The following NDRG3 variants were observed in gnomAD, a reference collection of about 807,000 sequenced individuals.
NDRG3 encodes the protein protein NDRG3.
A neutral mutation model predicts 57.2 loss-of-function variants in NDRG3; 23 were observed. The ratio of observed to expected loss-of-function variants is 0.40; its 90% CI spans 0.29 to 0.57. NDRG3 has a LOEUF of 0.57. NDRG3 is among the 20% of genes least tolerant of loss of function. NDRG3 has a pLI of 0.42. For synonymous variants in NDRG3, 132 were observed against 162.6 expected (o/e 0.81, Z 1.43); for missense variants, 384 against 457.3 (o/e 0.84, Z 1.46).
At position 36,652,992 on chromosome 20, in the gene NDRG3, A is replaced by G. The variant is rs1978342314; in HGVS notation, c.*528T>C. The G allele has an allele frequency of 6.5e-6, 1 of 152,678 alleles. No homozygotes were observed. The highest frequency in any genetic ancestry group is 1.5e-5 in the Non-Finnish European group (1 of 68,088). 9.5% of individuals were successfully genotyped at this position (152,678 alleles called of 1,614,324 possible). A position where few individuals can be genotyped will look rare whatever the true frequency, so the allele number is the denominator to read the frequency against. On this transcript the variant is annotated 3_prime_UTR_variant, in exon 16 of 16. Transcript: ENST00000349004. ...TTCCTCAAAGCTGCTCTCTCCTGAA[A>G]TCACTTTGCAAATTTTGTTGACCAA...
intron 5 of NDRG3, 85 bp downstream of exon 5, chr20:36,687,407 G>T: frequency 6.6e-7 from 1 of 1,504,134 alleles, no homozygotes. Flanking sequence ...AAATCAAAGG[G>T]AAGCACACAC....
intron 9 of NDRG3, among the ~76,000 whole-genome samples, chr20:36,668,825 C>T (rs1291979795): frequency 4.0e-5 from 6 of 150,594 alleles, no homozygotes; most frequent in South Asian, 2.1e-4. Context: ...GTATATATAG[C>T]GAGAGAAATA....
intron 9 of NDRG3, among the ~76,000 whole-genome samples, chr20:36,666,771 A>C (rs892356999): frequency 1.3e-5 from 2 of 152,202 alleles, no homozygotes; most frequent in African/African-American, 4.8e-5. Context: ...GGCTGTTTTA[A>C]AGATTAAGTA....
rs371900795 is a variant in NDRG3 at position 36,687,486 on chromosome 20, C to G, written c.320+6G>C. ...CGTCTCCCAGATGATCTTTTCGTGG[C>G]CTTACCCTGTTGGGAAAGAGGGTGC... On this transcript the variant is annotated splice_donor_region_variant and intron_variant, in intron 5 of 15. Coordinates refer to ENST00000349004, the MANE Select transcript of NDRG3 (RefSeq NM_032013.4). 1 of 1,612,570 alleles carries G rather than the reference C, an allele frequency of 6.2e-7. No individual in the cohort carries two copies. The highest frequency in any genetic ancestry group is 8.5e-7 in the Non-Finnish European group (1 of 1,179,606).
At chr20:36,693,271 A>G (rs1982495558) in intron 3 of NDRG3, among the ~76,000 whole-genome samples, 1 of 147,810 alleles carries the variant, frequency 6.8e-6, no homozygotes, top group African/African-American at 2.5e-5. Flanking sequence ...ACTATCAAAC[A>G]TGGTCATATA....
chr20:36,703,040 G>A lies in NDRG3; in HGVS notation c.93+3932C>T, dbSNP rs564533749. 1.5e-4 allele frequency among the ~76,000 whole-genome samples: 23 copies of A among 151,972 alleles called. No homozygotes were observed. In the South Asian group the frequency reaches 4.6e-3, roughly 30 times the overall value. ...TCACCATGTTGGCCAGGCTGGTCTCGAACTCCTGATCTCAGGTGATCTACC... is the reference window on the plus strand; with the variant it reads ...TCACCATGTTGGCCAGGCTGGTCTCAAACTCCTGATCTCAGGTGATCTACC... On this transcript the variant is annotated intron_variant, in intron 3 of 15. Coordinates refer to ENST00000349004, the MANE Select transcript of NDRG3 (RefSeq NM_032013.4).
chr20:36,705,954 A>G (rs1983527487), intron 3 of NDRG3, among the ~76,000 whole-genome samples: 1 of 152,120 alleles, frequency 6.6e-6, no homozygotes, highest in African/African-American at 2.4e-5. Flanking sequence ...TGCGTTGGCC[A>G]GGCTGGTCTT....
At chr20:36,723,659 AGTGTGTGTGTGTGTGTGT>A (rs36022065) in intron 1 of NDRG3, among the ~76,000 whole-genome samples, 2 of 132,938 alleles carry the variant, frequency 1.5e-5, no homozygotes, top group African/African-American at 2.8e-5. Context: ...ATATTAGTCT[AGTGTGTGTGTGTGTGTGT>A]GTGTGTGTGT....
chr20:36,653,394 A>G lies in NDRG3; in HGVS notation c.*126T>C, dbSNP rs534111031. Reference sequence around the variant, plus strand: ...GAGAGAATGATAAATCCAGGCTACTAGAGAGAGGTTCAGTGGCCATGCATG... The same window carrying G: ...GAGAGAATGATAAATCCAGGCTACTGGAGAGAGGTTCAGTGGCCATGCATG... On this transcript the variant is annotated 3_prime_UTR_variant, in exon 16 of 16. Transcript: ENST00000349004. The surrounding 1 kb of genome is among the most constrained non-coding windows in gnomAD (Gnocchi z 4.2). 2.5e-6 allele frequency: 2 copies of G among 789,070 alleles called. No individual in the cohort carries two copies. The highest frequency in any genetic ancestry group is 3.8e-5 in the South Asian group (2 of 52,512). 48.9% of individuals were successfully genotyped at this position (789,070 alleles called of 1,614,324 possible).
chr20:36,665,133 T>C (rs907252690), intron 11 of NDRG3, 36 bp from the exon 12 acceptor site: 26 of 1,612,014 alleles, frequency 1.6e-5, no homozygotes, highest in Middle Eastern at 1.6e-4. Flanking sequence ...ACTCAGCAAA[T>C]AGGCACATAA....
At chr20:36,691,281 C>A (rs1982245920) in intron 3 of NDRG3, among the ~76,000 whole-genome samples, 2 of 152,184 alleles carry the variant, frequency 1.3e-5, no homozygotes, top group African/African-American at 4.8e-5. Flanking sequence ...GATAGCCATC[C>A]CTACCAAATC....
chr20:36,662,532 T>C (rs1338173321), intron 12 of NDRG3, among the ~76,000 whole-genome samples: 1 of 152,184 alleles, frequency 6.6e-6, no homozygotes. Flanking sequence ...TACTTTCTCC[T>C]CAGCTGCCTG....
intron 8 of NDRG3, among the ~76,000 whole-genome samples, chr20:36,676,871 C>T (rs1463618529): frequency 1.3e-5 from 2 of 152,254 alleles, no homozygotes; most frequent in African/African-American, 4.8e-5. Context: ...TGGCGGAAGC[C>T]CCGCCCCTTC....
At chr20:36,725,685 A>G (rs1479570468) in intron 1 of NDRG3, among the ~76,000 whole-genome samples, 5 of 152,048 alleles carry the variant, frequency 3.3e-5, no homozygotes, top group African/African-American at 1.2e-4. Flanking sequence ...CCTTCCACCT[A>G]AAGAAAACCA....
chr20:36,658,835 A>C (rs1167038525), intron 13 of NDRG3, among the ~76,000 whole-genome samples: 1 of 152,194 alleles, frequency 6.6e-6, no homozygotes, highest in Non-Finnish European at 1.5e-5. Flanking sequence ...GAGAAAGAAA[A>C]TGCATCCACC....
At chr20:36,716,889 T>A (rs1984310619) in intron 2 of NDRG3, among the ~76,000 whole-genome samples, 1 of 152,172 alleles carries the variant, frequency 6.6e-6, no homozygotes, top group African/African-American at 2.4e-5. Flanking sequence ...AGTCAAAAGA[T>A]GTAGGTTCTA....
chr20:36,715,195 C>T (rs901679524), intron 2 of NDRG3, among the ~76,000 whole-genome samples: 11 of 151,230 alleles, frequency 7.3e-5, no homozygotes, highest in African/African-American at 2.7e-4. Flanking sequence ...TGAAAAAGTA[C>T]AATTTCCACT....
Position 36,660,374 on chromosome 20 carries a change from T to C in NDRG3, c.821A>G (p.Asn274Ser), listed in dbSNP as rs1979066404. 25 of 1,608,614 alleles carry C rather than the reference T, an allele frequency of 1.6e-5. No homozygotes were observed. The highest frequency in any genetic ancestry group is 2.1e-5 in the Non-Finnish European group (25 of 1,176,640). ...SPAVEAVVEC[N>S]SRLNPINTTL... is the part of the protein sequence containing the mutation. ...TGTATTTATAGGGTTCAGGCGGGAA[T>C]TGCATTCGACCTAAAATTTAAAAAA... The change falls in exon 13 of 16, where the codon AAT becomes AGT. Residue 274 changes from asparagine to serine, a missense_variant. Coordinates refer to ENST00000349004, the MANE Select transcript of NDRG3 (RefSeq NM_032013.4).
At chr20:36,661,203 T>C (rs1169137373) in intron 12 of NDRG3, among the ~76,000 whole-genome samples, 3 of 152,154 alleles carry the variant, frequency 2.0e-5, no homozygotes, top group African/African-American at 4.8e-5. Flanking sequence ...TCTTTGGCTA[T>C]CCAGTCCAAA....
Sources: allele counts gnomAD v4.1 joint callset (sites outside exome capture counted in the v4.1 genomes callset), GRCh38; gene constraint gnomAD v4.1.1; non-coding constraint Gnocchi (gnomAD v3.1); transcripts MANE v1.5; gene names NCBI Gene and HGNC (gene_info 2026-07-23, HGNC 2026-07-21).